Variants in KCNQ5 observed in about 807,000 individuals in gnomAD.
The protein encoded by KCNQ5 is potassium voltage-gated channel subfamily KQT member 5.
In KCNQ5, 30 loss-of-function variants were observed where a neutral mutation model predicts 98.2. The ratio of observed to expected loss-of-function variants is 0.31; its 90% CI spans 0.23 to 0.41. The LOEUF is 0.41. Ranked by LOEUF, KCNQ5 falls within the 10% of genes least tolerant of loss-of-function variation. The pLI, the probability that KCNQ5 is intolerant of heterozygous loss-of-function variation, is 1.00. For missense variants in KCNQ5, 835 were observed against 1,182.5 expected, an observed-to-expected ratio of 0.71 and a Z score of 4.31; for synonymous variants, 458 against 449.4, an observed-to-expected ratio of 1.02 and a Z score of -0.24.
chr6:73,166,628 A>AT lies in KCNQ5; in HGVS notation c.1469-3116dup, dbSNP rs537574055. Among the ~76,000 whole-genome samples the AT allele has an allele frequency of 2.8e-3, 425 of 152,310 alleles. 1 individual carries two copies. The highest frequency in any genetic ancestry group is 6.8e-3 in the Middle Eastern group (2 of 294). The stretch of plus-strand genomic sequence containing the variant: ...TTCATTTCTTGGGCTGCCATCCCAA[A>AT]TTACCACAAATCAGGTGGCTTGAAA... On this transcript the variant is annotated intron_variant, in intron 10 of 13. Coordinates refer to ENST00000370398, the MANE Select transcript of KCNQ5 (RefSeq NM_019842.4).
chr6:73,016,507 T>C (rs555887728), intron 2 of KCNQ5, among the ~76,000 whole-genome samples: 29 of 152,264 alleles, frequency 1.9e-4, no homozygotes, highest in African/African-American at 6.3e-4. Context: ...CATTTAATTA[T>C]ATAACACTAA....
intron 12 of KCNQ5, among the ~76,000 whole-genome samples, chr6:73,192,125 C>T (rs2150525229): frequency 6.6e-6 from 1 of 152,284 alleles, no homozygotes; most frequent in South Asian, 2.1e-4. Context: ...TGTATCTTCT[C>T]CAACTTGAAC....
chr6:72,856,622 G>A (rs1455752064), intron 1 of KCNQ5, among the ~76,000 whole-genome samples: 1 of 152,088 alleles, frequency 6.6e-6, no homozygotes, highest in Non-Finnish European at 1.5e-5. Flanking sequence ...TTAGACTAGT[G>A]ATGGAAATTT....
At chr6:72,824,793 G>A (rs1036440830) in intron 1 of KCNQ5, among the ~76,000 whole-genome samples, 1 of 151,950 alleles carries the variant, frequency 6.6e-6, no homozygotes, top group Non-Finnish European at 1.5e-5. Flanking sequence ...CTCTGTGTGT[G>A]TGTGTGTGTG....
intron 10 of KCNQ5, among the ~76,000 whole-genome samples, chr6:73,167,317 T>C (rs142300644): frequency 6.6e-6 from 1 of 152,148 alleles, no homozygotes; most frequent in South Asian, 2.1e-4. Flanking sequence ...AACACACACG[T>C]GTAGTGAGCT....
chr6:72,690,586 A>G lies in KCNQ5; in HGVS notation c.398+67999A>G, dbSNP rs150585631. On this transcript the variant is annotated intron_variant, in intron 1 of 13. Coordinates refer to ENST00000370398, the MANE Select transcript of KCNQ5 (RefSeq NM_019842.4). ...CCAGTTATTTGTAAATCTACAAAAG[A>G]TTTACAGTAGAAGAGGCAAAGCCTG... Among the ~76,000 whole-genome samples, 237 of 152,308 alleles carry G rather than the reference A, an allele frequency of 1.6e-3. 1 individual carries two copies. Among genetic ancestry groups the G allele is most frequent in the African/African-American group, 5.2e-3 (216 of 41,568 alleles).
At chr6:72,856,368 A>G (rs1471318178) in intron 1 of KCNQ5, among the ~76,000 whole-genome samples, 2 of 151,952 alleles carry the variant, frequency 1.3e-5, no homozygotes, top group African/African-American at 4.8e-5. Flanking sequence ...AAAATGTATA[A>G]TTTGATAAGA....
chr6:72,829,576 G>C (rs955778489), intron 1 of KCNQ5, among the ~76,000 whole-genome samples: 2 of 152,128 alleles, frequency 1.3e-5, no homozygotes, highest in Non-Finnish European at 2.9e-5. Flanking sequence ...GGCACAGTGC[G>C]AATAACTCTC....
chr6:72,629,525 G>C (rs1045861026), intron 1 of KCNQ5, among the ~76,000 whole-genome samples: 2 of 152,078 alleles, frequency 1.3e-5, no homozygotes, highest in Non-Finnish European at 2.9e-5. Context: ...AAATGAAAAG[G>C]GTATTTCAAA....
chr6:73,081,658 CAT>C, intron 5 of KCNQ5, among the ~76,000 whole-genome samples: 1 of 152,180 alleles, frequency 6.6e-6, no homozygotes, highest in African/African-American at 2.4e-5. Flanking sequence ...TTACTAAAAA[CAT>C]AATTGTATCT....
At chr6:72,867,729 G>A (rs547022418) in intron 1 of KCNQ5, among the ~76,000 whole-genome samples, 48 of 152,040 alleles carry the variant, frequency 3.2e-4, no homozygotes, top group African/African-American at 1.1e-3. Context: ...CTTGAGGACA[G>A]GAGTTAAAGA....
chr6:72,801,993 T>A (rs1429949206), intron 1 of KCNQ5, among the ~76,000 whole-genome samples: 1 of 152,200 alleles, frequency 6.6e-6, no homozygotes, highest in Non-Finnish European at 1.5e-5. Flanking sequence ...TGCCGAGAGA[T>A]CCGCTGTTAG....
chr6:72,670,816 C>T (rs141933399), intron 1 of KCNQ5, among the ~76,000 whole-genome samples: 25 of 152,216 alleles, frequency 1.6e-4, no homozygotes, highest in African/African-American at 6.0e-4. Context: ...CTTGTTTAAC[C>T]TTACTTACCT....
chr6:72,917,199 T>C lies in KCNQ5; in HGVS notation c.399-86709T>C, dbSNP rs117993390. Among the ~76,000 whole-genome samples, 317 of 152,278 alleles carry C rather than the reference T, an allele frequency of 2.1e-3. 1 individual carries two copies. Among genetic ancestry groups the C allele is most frequent in the Non-Finnish European group, 3.7e-3 (255 of 68,012 alleles). On this transcript the variant is annotated intron_variant, in intron 1 of 13. Transcript: ENST00000370398. ...CTCTGCTGCTGCTTATCTTCTATGGTGTGTGGTAGAAATAAATTAGATTGA... is the reference window on the plus strand; with the variant it reads ...CTCTGCTGCTGCTTATCTTCTATGGCGTGTGGTAGAAATAAATTAGATTGA...
At chr6:73,193,350 G>A (rs1035621656) in intron 13 of KCNQ5, among the ~76,000 whole-genome samples, 5 of 151,726 alleles carry the variant, frequency 3.3e-5, no homozygotes, top group African/African-American at 7.3e-5. Context: ...AAACAAGGCC[G>A]GGTGTGGTGG....
At chr6:72,668,070 TATTA>T (rs143084626) in intron 1 of KCNQ5, among the ~76,000 whole-genome samples, 87 of 152,288 alleles carry the variant, frequency 5.7e-4, no homozygotes, top group African/African-American at 2.0e-3. Flanking sequence ...ACTATAATAA[TATTA>T]ATTCCTTGGT....
chr6:72,673,848 T>C (rs907370629), intron 1 of KCNQ5, among the ~76,000 whole-genome samples: 2 of 152,202 alleles, frequency 1.3e-5, no homozygotes, highest in Non-Finnish European at 2.9e-5. Context: ...ACAATAGAAG[T>C]TATTTTCTAT....
At chr6:72,914,203 A>C (rs925712488) in intron 1 of KCNQ5, among the ~76,000 whole-genome samples, 2 of 152,162 alleles carry the variant, frequency 1.3e-5, no homozygotes, top group Admixed American at 6.5e-5. Context: ...ATTTATTCAT[A>C]TGGGCATAAC....
At chr6:72,831,747 A>G (rs573207350) in intron 1 of KCNQ5, among the ~76,000 whole-genome samples, 1 of 142,540 alleles carries the variant, frequency 7.0e-6, no homozygotes, top group East Asian at 2.0e-4. Context: ...AAAATAAAAT[A>G]AAATTAACAG....
Sources: allele counts gnomAD v4.1 joint callset (sites outside exome capture counted in the v4.1 genomes callset), GRCh38; gene constraint gnomAD v4.1.1; transcripts MANE v1.5; gene names NCBI Gene and HGNC (gene_info 2026-07-23, HGNC 2026-07-21).